Variants in TMC6 observed in about 807,000 individuals in gnomAD.
TMC6 encodes transmembrane channel like 6.
In TMC6, 71 loss-of-function variants were observed where a neutral mutation model predicts 95.4. That is an observed-to-expected ratio of 0.74 (90% CI 0.61 to 0.91). The LOEUF (loss-of-function observed/expected upper bound fraction) is 0.91. Among genes scored for constraint, TMC6 ranks in the 40% least tolerant of loss-of-function variants. TMC6 has a pLI of 0.00. For synonymous variants in TMC6, 514 were observed against 483.1 expected (o/e 1.06, Z -0.84); for missense variants, 1,074 against 1,079.1 (o/e 1.00, Z 0.07).
chr17:78,123,870 A>G, intron 9 of TMC6, 119 bp downstream of exon 9: 1 of 1,348,506 alleles, frequency 7.4e-7, no homozygotes, highest in Non-Finnish European at 1.0e-6. Flanking sequence ...AGTGGATGAG[A>G]GCAGACAGGT....
upstream of TMC6, chr17:78,131,066 T>A (rs1011502937): frequency 2.6e-5 from 5 of 190,630 alleles, no homozygotes; most frequent in African/African-American, 1.2e-4. Context: ...CAGAGTCAGA[T>A]GTGGCAGATG....
Position 78,122,657 on chromosome 17 carries a change from G to A in TMC6, c.1175C>T (p.Thr392Met), listed in dbSNP as rs765228601. ...CTGGAGGCGGGAGGCCCGCTTCTGC[G>A]TCACCTTGTAGTCCCAGGAGCAGAA... ...TVFCSWDYKVTQKRASRLQQD... is the reference protein window; with the variant it reads ...TVFCSWDYKVMQKRASRLQQD... The change falls in exon 10 of 20, where the codon ACG (threonine) becomes ATG (methionine). Residue 392 changes from threonine to methionine, a missense_variant. Physicochemically the swap from Thr to Met is moderately conservative, Grantham distance 81. Transcript: ENST00000590602. This position sits in a 1 kb window ranked among gnomAD's most constrained non-coding sequence, Gnocchi z 4.9. 72 of 1,611,970 alleles carry A rather than the reference G, an allele frequency of 4.5e-5. No homozygotes were observed. The highest frequency in any genetic ancestry group is 3.0e-4 in the Admixed American group (18 of 59,926).
In TMC6 at chr17:78,120,721, C is replaced by T. The variant is rs1258555299; in HGVS notation, c.1647G>A (p.Leu549=). The part of the protein sequence containing the change: ...QCWEDFVGQE[L]YRFLVMDFVL... ...CGAAGTCCATCACCAGGAACCGGTA[C>T]AGCTCCTGGCCCACAAAATCCTCCC... Residue 549 remains leucine, a synonymous_variant, in exon 13 of 20, where the codon CTG becomes CTA. Transcript: ENST00000590602. 1.9e-6 allele frequency: 3 copies of T among 1,613,884 alleles called. No homozygotes were observed. The highest frequency in any genetic ancestry group is 1.7e-6 in the Non-Finnish European group (2 of 1,180,032).
At position 78,121,772 on chromosome 17, in the gene TMC6, G is replaced by A; in HGVS notation, c.1228-61C>T. 1.3e-6 allele frequency: 2 copies of A among 1,518,722 alleles called. No homozygotes were observed. The highest frequency in any genetic ancestry group is 1.8e-6 in the Non-Finnish European group (2 of 1,135,782). 94.1% of individuals were successfully genotyped at this position (1,518,722 alleles called of 1,614,324 possible). ...GAGCACGGGCACACGCAGACGTGCAGACACAGCACAACACACACAACACAC... is the reference window on the plus strand; with the variant it reads ...GAGCACGGGCACACGCAGACGTGCAAACACAGCACAACACACACAACACAC... On this transcript the variant is annotated intron_variant, in intron 10 of 19. Coordinates refer to ENST00000590602, the MANE Select transcript of TMC6 (RefSeq NM_001127198.5). This position sits in a 1 kb window ranked among gnomAD's most constrained non-coding sequence, Gnocchi z 5.6.
In TMC6 at chr17:78,109,149, A is replaced by C; in HGVS notation, c.*3999T>G. On this transcript the variant is annotated 3_prime_UTR_variant, in exon 20 of 20. Transcript: ENST00000590602. ...TTGTTGCTGCTATTTTGGCAACATC[A>C]CGGCAGAACGGTAAAGGCAGAAAGC... 4 of 287,144 alleles carry C rather than the reference A, an allele frequency of 1.4e-5. No homozygotes were observed. The highest frequency in any genetic ancestry group is 2.8e-5 in the Non-Finnish European group (4 of 144,790). The allele number at this position is 287,144 out of a possible 1,614,324, so 17.8% of individuals were successfully genotyped here.
intron 15 of TMC6, 110 bp from the exon 16 acceptor site, chr17:78,118,045 G>T: frequency 4.6e-6 from 7 of 1,522,788 alleles, no homozygotes; most frequent in East Asian, 2.4e-5. Context: ...TCCAGGCAGA[G>T]CCTGGACCCT....
In TMC6 at chr17:78,111,799, T is replaced by C. The variant is rs1411878467; in HGVS notation, c.*1349A>G. ...ATCGCTCTTTGACCATTTCCCCACCTGGGTTCATTCCCCCAATCCCAAGCG... is the reference window on the plus strand; with the variant it reads ...ATCGCTCTTTGACCATTTCCCCACCCGGGTTCATTCCCCCAATCCCAAGCG... On this transcript the variant is annotated 3_prime_UTR_variant, in exon 20 of 20. Transcript: ENST00000590602. 4.9e-6 allele frequency: 1 copy of C among 203,394 alleles called. No individual in the cohort carries two copies. Among genetic ancestry groups the C allele is most frequent in the African/African-American group, 2.4e-5 (1 of 41,936 alleles). 12.6% of individuals were successfully genotyped at this position (203,394 alleles called of 1,614,324 possible). A position where few individuals can be genotyped will look rare whatever the true frequency, so the allele number is the denominator to read the frequency against.
rs1263741125 is a variant in TMC6 at position 78,125,810 on chromosome 17, G to C, written c.346C>G (p.Leu116Val). 4.5e-6 allele frequency: 7 copies of C among 1,557,478 alleles called. No homozygotes were observed. The East Asian group carries it at 1.7e-4, about 38-fold the overall frequency. Residue 116 changes from leucine (L) to valine (V), a missense_variant, in exon 5 of 20, where the codon CTG becomes GTG. By Grantham distance (32) the Leu-to-Val change is conservative. Transcript: ENST00000590602. Reference sequence around the variant, plus strand: ...GCGGAGCGGACAAAGTTCCCGAGCAGGGGCCGGCTGCTCCTGCACCGAAGC... The same window carrying C: ...GCGGAGCGGACAAAGTTCCCGAGCACGGGCCGGCTGCTCCTGCACCGAAGC... ...VQLRCRSSRP[L>V]LGNFVRSAWP... is the part of the protein sequence containing the mutation.
intron 18 of TMC6, among the ~76,000 whole-genome samples, chr17:78,116,625 C>T (rs893182445): frequency 6.6e-6 from 1 of 151,944 alleles, no homozygotes; most frequent in Admixed American, 6.5e-5. Flanking sequence ...GTGGCTCATG[C>T]CTATAATCCT....
intron 2 of TMC6, 53 bp from the exon 3 acceptor site, chr17:78,126,701 G>C: frequency 6.2e-7 from 1 of 1,612,010 alleles, no homozygotes; most frequent in Non-Finnish European, 8.5e-7. Context: ...TCTCCTTCCA[G>C]CAGCCCCTGC....
rs1212031180 is a variant in TMC6 at position 78,110,684 on chromosome 17, A to T, written c.*2464T>A. ...TCAAGTTCCCATCCACTCGAACAAC[A>T]GTTTGTAGATCTTAGGCTGCTCTCA... On this transcript the variant is annotated 3_prime_UTR_variant, in exon 20 of 20. Coordinates refer to ENST00000590602, the MANE Select transcript of TMC6 (RefSeq NM_001127198.5). 4 of 152,232 alleles carry T rather than the reference A, an allele frequency of 2.6e-5. No individual in the cohort carries two copies. The highest frequency in any genetic ancestry group is 5.9e-5 in the Non-Finnish European group (4 of 68,052). 9.4% of individuals were successfully genotyped at this position (152,232 alleles called of 1,614,324 possible).
upstream of TMC6, among the ~76,000 whole-genome samples, chr17:78,129,113 AGC>A (rs200350733): frequency 0.1 from 9,589 of 93,206 alleles, 428 homozygotes; most frequent in African/African-American, 0.15. The surrounding 1 kb of genome is among the most constrained non-coding windows in gnomAD (Gnocchi z 4.3). Context: ...CAGATTGGGC[AGC>A]GCCCCCCCCC....
chr17:78,111,827 G>C lies in TMC6; in HGVS notation c.*1321C>G, dbSNP rs1397370365. ...GTTCATTCCCCCAATCCCAAGCGCA[G>C]CTCCTGCAGGCCTGGAGCCCTGGGC... On this transcript the variant is annotated 3_prime_UTR_variant, in exon 20 of 20. Transcript: ENST00000590602. The C allele has an allele frequency of 5.0e-6, 1 of 201,292 alleles. No individual in the cohort carries two copies. The highest frequency in any genetic ancestry group is 2.4e-5 in the African/African-American group (1 of 41,896). The allele number at this position is 201,292 out of a possible 1,614,324, so 12.5% of individuals were successfully genotyped here.
At position 78,125,283 on chromosome 17, in the gene TMC6, G is replaced by T; in HGVS notation, c.431-20C>A. The T allele has an allele frequency of 6.4e-7, 1 of 1,551,928 alleles. No individual in the cohort carries two copies. Among genetic ancestry groups the T allele is most frequent in the Non-Finnish European group, 8.7e-7 (1 of 1,147,352 alleles). On this transcript the variant is annotated intron_variant, in intron 5 of 19. Transcript: ENST00000590602. ...GCTTCTCTGCGAGAGGGAGAGGGAGGTCCTGCCCATCCCCAAGTGCCCCTC... is the reference window on the plus strand; with the variant it reads ...GCTTCTCTGCGAGAGGGAGAGGGAGTTCCTGCCCATCCCCAAGTGCCCCTC...
intron 18 of TMC6, 83 bp from the exon 19 acceptor site, chr17:78,113,707 G>GA (rs1267935577): frequency 7.1e-7 from 1 of 1,407,580 alleles, no homozygotes; most frequent in Non-Finnish European, 1.0e-6. Flanking sequence ...GCATTTGAGG[G>GA]AAAACTCACG....
intron 19 of TMC6, 64 bp downstream of exon 19, chr17:78,113,484 G>T: frequency 1.3e-6 from 2 of 1,578,112 alleles, no homozygotes; most frequent in Non-Finnish European, 1.7e-6. Flanking sequence ...CAGCCCTACT[G>T]TCCAGCCCTG....
At chr17:78,123,212 C>T (rs3794738) in intron 9 of TMC6, 26,477 of 307,438 alleles carry the variant, frequency 0.086, 1,740 homozygotes, top group Admixed American at 0.23. Flanking sequence ...CACCACTAAG[C>T]CTCATGGATT....
At chr17:78,115,500 C>T (rs976737977) in intron 18 of TMC6, among the ~76,000 whole-genome samples, 24 of 152,128 alleles carry the variant, frequency 1.6e-4, no homozygotes, top group South Asian at 4.1e-4. Context: ...CACGGGGGGC[C>T]GTTCCCCAGG....
rs758418844 is a variant in TMC6, at chr17:78,109,645, ATTTCC to A, written c.*3498_*3502del. 214 of 437,310 alleles carry A rather than the reference ATTTCC, an allele frequency of 4.9e-4. 2 individuals are homozygous for A. Among genetic ancestry groups the A allele is most frequent in the South Asian group, 1.1e-3 (67 of 60,662 alleles). The allele number at this position is 437,310 out of a possible 1,614,324, so 27.1% of individuals were successfully genotyped here. A position where few individuals can be genotyped will look rare whatever the true frequency, so the allele number is the denominator to read the frequency against. On this transcript the variant is annotated 3_prime_UTR_variant, in exon 20 of 20. Coordinates refer to ENST00000590602, the MANE Select transcript of TMC6 (RefSeq NM_001127198.5). ...CCCCATCTCAAAAAAGCAGAAGCAC[ATTTCC>A]GAAGCCCCCCAAGCCCACGGGCGTG...
Sources: gnomAD v4.1 joint callset for allele counts (sites outside exome capture counted in the v4.1 genomes callset) on GRCh38, gnomAD v4.1.1 for gene constraint, Gnocchi (gnomAD v3.1) non-coding constraint, MANE v1.5 for transcripts, NCBI Gene and HGNC (gene_info 2026-07-23, HGNC 2026-07-21) for gene names.